The following PTPRD variants were observed in gnomAD, a reference collection of about 807,000 sequenced individuals.
PTPRD encodes receptor-type tyrosine-protein phosphatase delta.
A neutral mutation model predicts 214.5 loss-of-function variants in PTPRD; 34 were observed. That is an observed-to-expected ratio of 0.16 (90% CI 0.12 to 0.21). The LOEUF is 0.21. PTPRD is among the 10% of genes least tolerant of loss of function. The probability of loss-of-function intolerance (pLI) is 1.00; values close to 1 mark genes in which losing one functional copy is unlikely to be tolerated. For synonymous variants in PTPRD, 1,128 were observed against 845.7 expected (o/e 1.33, Z -5.79); for missense variants, 2,545 against 2,398.7 (o/e 1.06, Z -1.27).
chr9:9,996,454 A>G (rs1042033392), intron 4 of PTPRD, among the ~76,000 whole-genome samples: 1 of 152,200 alleles, frequency 6.6e-6, no homozygotes, highest in Non-Finnish European at 1.5e-5. Flanking sequence ...GAGCTCTGAG[A>G]GAATGTAAAC....
At chr9:9,848,016 T>C (rs772760725) in intron 5 of PTPRD, among the ~76,000 whole-genome samples, 8 of 152,220 alleles carry the variant, frequency 5.3e-5, no homozygotes, top group East Asian at 1.9e-4. Context: ...ACAAGCAGCA[T>C]TGAAGACTTT....
intron 9 of PTPRD, among the ~76,000 whole-genome samples, chr9:9,342,580 A>G (rs1471131060): frequency 6.6e-6 from 1 of 152,144 alleles, no homozygotes; most frequent in Non-Finnish European, 1.5e-5. Context: ...AAGAAAGTAC[A>G]GCCTTTTTGG....
intron 14 of PTPRD, among the ~76,000 whole-genome samples, chr9:8,545,765 T>C (rs1323694039): frequency 6.6e-6 from 1 of 152,236 alleles, no homozygotes; most frequent in Non-Finnish European, 1.5e-5. Flanking sequence ...TAGCTTTAAG[T>C]TGAATGAATG....
intron 14 of PTPRD, among the ~76,000 whole-genome samples, chr9:8,570,359 G>C (rs2090752858): frequency 6.6e-6 from 1 of 152,086 alleles, no homozygotes; most frequent in African/African-American, 2.4e-5. Flanking sequence ...ACCACCTACT[G>C]TTAAAGGTTA....
At chr9:8,933,086 G>A (rs1386280546) in intron 11 of PTPRD, among the ~76,000 whole-genome samples, 1 of 151,946 alleles carries the variant, frequency 6.6e-6, no homozygotes, top group East Asian at 1.9e-4. Context: ...GTTCCTCATG[G>A]CACAGTCCTT....
At chr9:8,695,051 C>T (rs757312175) in intron 12 of PTPRD, among the ~76,000 whole-genome samples, 2 of 152,274 alleles carry the variant, frequency 1.3e-5, no homozygotes, top group East Asian at 1.9e-4. Context: ...GCAGCTCAAT[C>T]GCTCAGTCTT....
At chr9:9,389,086 TATA>T (rs2064910624) in intron 9 of PTPRD, among the ~76,000 whole-genome samples, 1 of 152,228 alleles carries the variant, frequency 6.6e-6, no homozygotes, top group African/African-American at 2.4e-5. Flanking sequence ...ATGAAATTGA[TATA>T]ATAATAGTGC....
At chr9:10,069,886 T>C (rs1267225568) in intron 3 of PTPRD, among the ~76,000 whole-genome samples, 1 of 151,994 alleles carries the variant, frequency 6.6e-6, no homozygotes, top group Non-Finnish European at 1.5e-5. Flanking sequence ...TTATATATAC[T>C]ATAAAAGAAG....
At chr9:9,330,059 C>A (rs1043024339) in intron 9 of PTPRD, among the ~76,000 whole-genome samples, 1 of 152,056 alleles carries the variant, frequency 6.6e-6, no homozygotes, top group Admixed American at 6.6e-5. Flanking sequence ...ATTGGGTTTA[C>A]GTAGAGAAAC....
intron 5 of PTPRD, among the ~76,000 whole-genome samples, chr9:9,797,041 T>C (rs561956096): frequency 1.3e-5 from 2 of 152,214 alleles, no homozygotes; most frequent in Non-Finnish European, 2.9e-5. Flanking sequence ...GAATAGTAGA[T>C]GGGATATCTG....
chr9:8,993,686 G>C (rs1444180629), intron 11 of PTPRD, among the ~76,000 whole-genome samples: 2 of 152,066 alleles, frequency 1.3e-5, no homozygotes, highest in African/African-American at 2.4e-5. Flanking sequence ...GTTCAGTTCT[G>C]TTCAACACAG....
chr9:10,384,058 G>T (rs1455789662), intron 2 of PTPRD, among the ~76,000 whole-genome samples: 1 of 145,850 alleles, frequency 6.9e-6, no homozygotes, highest in Non-Finnish European at 1.5e-5. Context: ...GAGGAGGTGG[G>T]GATGGTTAAT....
intron 11 of PTPRD, among the ~76,000 whole-genome samples, chr9:8,909,211 T>C (rs1450888795): frequency 1.3e-5 from 2 of 151,986 alleles, no homozygotes; most frequent in African/African-American, 4.8e-5. Context: ...CATTTTTACA[T>C]AAACTCCTTC....
rs147895652 is a variant in PTPRD, at chr9:9,037,403, C to G, written c.-142-18668G>C. On this transcript the variant is annotated intron_variant, in intron 10 of 45. Transcript: ENST00000381196. ...AATAGTTTGTGTTAGCAAACCTCAC[C>G]TTAATGTTTCAACCATTAAGATGAC... 2.6e-3 allele frequency among the ~76,000 whole-genome samples: 394 copies of G among 152,198 alleles called. 3 individuals carry two copies. The highest frequency in any genetic ancestry group is 0.023 in the Admixed American group (352 of 15,268).
intron 11 of PTPRD, among the ~76,000 whole-genome samples, chr9:9,014,176 C>T (rs1271421097): frequency 1.6e-5 from 2 of 123,132 alleles, no homozygotes; most frequent in East Asian, 2.1e-4. Context: ...GCTATTACCT[C>T]GTTTTTTTTT....
rs79586440 is a variant in PTPRD, at chr9:8,342,145, G to A, written c.4662-167C>T. ...CTCTAAAGTCAAAAGTATTATCTAGGCACCATAATCAGAGGACAGGGAACA... is the reference window on the plus strand; with the variant it reads ...CTCTAAAGTCAAAAGTATTATCTAGACACCATAATCAGAGGACAGGGAACA... On this transcript the variant is annotated intron_variant, in intron 39 of 45. Transcript: ENST00000381196. Among the ~76,000 whole-genome samples, 733 of 151,902 alleles carry A rather than the reference G, an allele frequency of 4.8e-3. 6 individuals are homozygous for A. Among genetic ancestry groups the A allele is most frequent in the African/African-American group, 0.016 (666 of 41,430 alleles).
chr9:9,721,032 G>T (rs879526205), intron 7 of PTPRD, among the ~76,000 whole-genome samples: 1 of 152,008 alleles, frequency 6.6e-6, no homozygotes, highest in African/African-American at 2.4e-5. Flanking sequence ...ATAACTGTTG[G>T]GTACGAGGCT....
rs199959855 is a variant in PTPRD at position 8,481,504 on chromosome 9, C to T, written c.3413+2615G>A. Among the ~76,000 whole-genome samples the T allele has an allele frequency of 2.0e-5, 3 of 152,180 alleles. No homozygotes were observed. The East Asian group carries it at 5.8e-4, about 29-fold the overall frequency. The stretch of plus-strand genomic sequence containing the variant: ...AATACCTGATTTTCTCAGCCATCTG[C>T]TTTAAGTTTTCTGGAGTTTGGGGAG... On this transcript the variant is annotated intron_variant, in intron 30 of 45. Coordinates refer to ENST00000381196, the MANE Select transcript of PTPRD (RefSeq NM_002839.4).
chr9:9,897,166 G>A (rs946221829), intron 5 of PTPRD, among the ~76,000 whole-genome samples: 4 of 134,138 alleles, frequency 3.0e-5, no homozygotes, highest in Non-Finnish European at 6.3e-5. Context: ...ACACACCGCT[G>A]CTAAACACCC....
Sources: allele counts gnomAD v4.1 joint callset (sites outside exome capture counted in the v4.1 genomes callset), GRCh38; gene constraint gnomAD v4.1.1; transcripts MANE v1.5; gene names NCBI Gene and HGNC (gene_info 2026-07-23, HGNC 2026-07-21).